UNC45B: variants seen among roughly 807,000 people sequenced by gnomAD.
UNC45B encodes protein unc-45 homolog B.
A neutral mutation model predicts 98.7 loss-of-function variants in UNC45B; 78 were observed. The ratio of observed to expected loss-of-function variants is 0.79; its 90% CI spans 0.66 to 0.95. The LOEUF is 0.95. Among genes scored for constraint, UNC45B ranks in the 40% least tolerant of loss-of-function variants. UNC45B has a pLI of 0.00. For missense variants in UNC45B, 1,225 were observed against 1,184.9 expected (o/e 1.03, Z -0.50); for synonymous variants, 462 against 480.4 (o/e 0.96, Z 0.50).
intron 14 of UNC45B, among the ~76,000 whole-genome samples, 174 bp from the exon 15 acceptor site, chr17:35,175,794 A>G (rs2092228364): frequency 6.6e-6 from 1 of 152,118 alleles, no homozygotes. Context: ...TATTCCCATG[A>G]TGTCATCTTC....
intron 17 of UNC45B, 86 bp from the exon 18 acceptor site, chr17:35,180,473 G>C (rs2092265909): frequency 9.7e-7 from 1 of 1,028,340 alleles, no homozygotes. Context: ...CACCAGAATG[G>C]AAGAATGGTC....
Position 35,180,618 on chromosome 17 carries a change from A to G in UNC45B, c.2315A>G (p.His772Arg). ...ATCGAGAACTACATGTTTGAGAATC[A>G]TGATCAGCTGCGGCAGGCGGCCACC... is the stretch of plus-strand genomic sequence containing the variant. ...PDIENYMFEN[H>R]DQLRQAATEC... The change falls in exon 18 of 20, where the codon CAT becomes CGT. Residue 772 changes from histidine to arginine, a missense_variant. Physicochemically the swap from His to Arg is conservative, Grantham distance 29. Coordinates refer to ENST00000394570, the MANE Select transcript of UNC45B (RefSeq NM_001267052.2). 1 of 1,614,078 alleles carries G rather than the reference A, an allele frequency of 6.2e-7. No homozygotes were observed. Among genetic ancestry groups the G allele is most frequent in the Non-Finnish European group, 8.5e-7 (1 of 1,179,988 alleles).
intron 15 of UNC45B, among the ~76,000 whole-genome samples, chr17:35,176,727 G>A (rs2092236489): frequency 6.6e-6 from 1 of 152,128 alleles, no homozygotes; most frequent in South Asian, 2.1e-4. Flanking sequence ...AGTTTGGCTT[G>A]GGCAGAAAGT....
intron 1 of UNC45B, 106 bp from the exon 2 acceptor site, chr17:35,148,158 C>A: frequency 3.1e-6 from 4 of 1,287,368 alleles, no homozygotes; most frequent in Non-Finnish European, 3.2e-6. Context: ...TCCCCACCAT[C>A]CTCTCTGGTG....
Position 35,186,700 on chromosome 17 carries a change from C to T in UNC45B, c.*141C>T. ...AATATAAAGGAAAGACTTGATTGTT[C>T]TCTGAGTTGTGAGTCTTCTCCTTTG... On this transcript the variant is annotated 3_prime_UTR_variant, in exon 20 of 20. Transcript: ENST00000394570. 1.0e-6 allele frequency: 1 copy of T among 989,084 alleles called. No homozygotes were observed. The highest frequency in any genetic ancestry group is 1.4e-6 in the Non-Finnish European group (1 of 690,896). 61.3% of individuals were successfully genotyped at this position (989,084 alleles called of 1,614,324 possible).
chr17:35,165,729 G>A (rs2092134379), intron 9 of UNC45B, among the ~76,000 whole-genome samples: 1 of 152,142 alleles, frequency 6.6e-6, no homozygotes, highest in African/African-American at 2.4e-5. Flanking sequence ...CCTGAGGTCA[G>A]GAGTTCAAGA....
chr17:35,181,627 C>T (rs1355865049), intron 18 of UNC45B, among the ~76,000 whole-genome samples: 6 of 152,026 alleles, frequency 3.9e-5, no homozygotes, highest in East Asian at 1.9e-4. Flanking sequence ...CCTGTCTCTA[C>T]TAAAAGTACA....
intron 8 of UNC45B, 60 bp from the exon 9 acceptor site, chr17:35,163,935 G>A (rs2142553797): frequency 1.3e-6 from 2 of 1,491,736 alleles, no homozygotes; most frequent in Non-Finnish European, 1.8e-6. Flanking sequence ...ACTGAGTGAG[G>A]GGTGTGTGTG....
At chr17:35,176,680 C>CA (rs1334460705) in intron 15 of UNC45B, among the ~76,000 whole-genome samples, 2 of 151,906 alleles carry the variant, frequency 1.3e-5, no homozygotes, top group Non-Finnish European at 2.9e-5. Flanking sequence ...AACTCTGTCT[C>CA]AAAAAAACAA....
intron 9 of UNC45B, 26 bp downstream of exon 9, chr17:35,164,192 G>T (rs754024867): frequency 6.3e-7 from 1 of 1,590,598 alleles, no homozygotes; most frequent in East Asian, 2.3e-5. Flanking sequence ...GCCTCACAGG[G>T]TCAGGCTCTG....
At chr17:35,180,713 T>C in intron 18 of UNC45B, 37 bp downstream of exon 18, 1 of 1,561,572 alleles carries the variant, frequency 6.4e-7, no homozygotes, top group Admixed American at 1.7e-5. Context: ...CCGGGCGTGA[T>C]CAAGGCACGA....
Position 35,153,873 on chromosome 17 carries a change from C to T in UNC45B, c.472-701C>T, listed in dbSNP as rs140023259. On this transcript the variant is annotated intron_variant, in intron 5 of 19. Transcript: ENST00000394570. ...TCTTCCACCTCCTGTGTTTCTCAGCCCTGGGTTCTCAGGTCCTGCTTGAGA... is the reference window on the plus strand; with the variant it reads ...TCTTCCACCTCCTGTGTTTCTCAGCTCTGGGTTCTCAGGTCCTGCTTGAGA... 2.3e-3 allele frequency among the ~76,000 whole-genome samples: 350 copies of T among 152,188 alleles called. 1 individual carries two copies. Among genetic ancestry groups the T allele is most frequent in the African/African-American group, 8.1e-3 (338 of 41,524 alleles).
At chr17:35,183,219 G>A (rs116560124) in intron 18 of UNC45B, among the ~76,000 whole-genome samples, 70 of 150,116 alleles carry the variant, frequency 4.7e-4, no homozygotes, top group African/African-American at 1.5e-3. Flanking sequence ...ACTAGATGGG[G>A]AATTCCTTAT....
Position 35,164,171 on chromosome 17 carries a change from G to A in UNC45B, c.1151+5G>A. On this transcript the variant is annotated splice_donor_5th_base_variant and intron_variant, in intron 9 of 19. Coordinates refer to ENST00000394570, the MANE Select transcript of UNC45B (RefSeq NM_001267052.2). ...GATCTGTGAGGAATATATCACGTAA[G>A]TTTCCTGGAGGCCTCACAGGGTCAG... The A allele has an allele frequency of 6.2e-7, 1 of 1,603,262 alleles. No individual in the cohort carries two copies. The highest frequency in any genetic ancestry group is 8.5e-7 in the Non-Finnish European group (1 of 1,174,404).
At chr17:35,162,319 T>C (rs2092107905) in intron 8 of UNC45B, among the ~76,000 whole-genome samples, 1 of 152,198 alleles carries the variant, frequency 6.6e-6, no homozygotes, top group South Asian at 2.1e-4. Flanking sequence ...AAGTGGTTAG[T>C]GTCAGCGTTG....
Position 35,150,224 on chromosome 17 carries a change from G to A in UNC45B, c.381+1G>A. ...ACTCAACACCAGCATTCAGGAGAAG[G>A]TGAGCTGGGCCTCTTCCCACAACCC... On this transcript the variant is annotated splice_donor_variant, in intron 4 of 19. Coordinates refer to ENST00000394570, the MANE Select transcript of UNC45B (RefSeq NM_001267052.2). LOFTEE classifies it high-confidence loss of function. The A allele has an allele frequency of 6.2e-7, 1 of 1,606,514 alleles. No homozygotes were observed. The highest frequency in any genetic ancestry group is 2.2e-5 in the East Asian group (1 of 44,756).
At position 35,175,975 on chromosome 17, in the gene UNC45B, C is replaced by T; in HGVS notation, c.1966C>T (p.Leu656=). The T allele has an allele frequency of 6.2e-7, 1 of 1,614,152 alleles. No homozygotes were observed. ...TTCTTCTCGGTCCCACAGGGTATTC[C>T]TGGCACTGTGTGACAACCCAAAGGA... ...QTKELLARVF[L]ALCDNPKDRG... is the part of the protein sequence containing the mutation. Residue 656 remains leucine (L), a synonymous_variant, in exon 15 of 20, where the codon CTG becomes TTG. Transcript: ENST00000394570.
At chr17:35,159,234 C>A (rs1377045519) in intron 7 of UNC45B, 141 bp from the exon 8 acceptor site, 4 of 848,836 alleles carry the variant, frequency 4.7e-6, no homozygotes, top group Admixed American at 2.4e-5. Context: ...AGATGGGCAA[C>A]ACTATACTCC....
intron 4 of UNC45B, among the ~76,000 whole-genome samples, chr17:35,151,996 A>G (rs1020552334): frequency 6.6e-6 from 1 of 152,248 alleles, no homozygotes; most frequent in African/African-American, 2.4e-5. Context: ...CTGTAATCCC[A>G]ACACTTTGGG....
Sources: gnomAD v4.1 joint callset for allele counts (sites outside exome capture counted in the v4.1 genomes callset) on GRCh38, gnomAD v4.1.1 for gene constraint, MANE v1.5 for transcripts, NCBI Gene and HGNC (gene_info 2026-07-23, HGNC 2026-07-21) for gene names.